The following DCLK2 variants were observed in gnomAD, a reference collection of about 807,000 sequenced individuals.
DCLK2 encodes the protein doublecortin like kinase 2.
DCLK2 carries 31 observed loss-of-function variants against 78.4 expected under a neutral mutation model. That is an observed-to-expected ratio of 0.40 (90% CI 0.30 to 0.53). The LOEUF (loss-of-function observed/expected upper bound fraction) is 0.53, where lower values mean the gene tolerates loss of function less well. Ranked by LOEUF, DCLK2 falls within the 20% of genes least tolerant of loss-of-function variation. The pLI is 0.61. For synonymous variants in DCLK2, 407 were observed against 374.9 expected (o/e 1.09, Z -0.99); for missense variants, 872 against 973.7 (o/e 0.90, Z 1.39).
intron 2 of DCLK2, among the ~76,000 whole-genome samples, chr4:150,116,651 G>A (rs1465951653): frequency 6.6e-6 from 1 of 152,204 alleles, no homozygotes; most frequent in African/African-American, 2.4e-5. Flanking sequence ...CGCTGATAGA[G>A]GTGGCAGGGG....
At chr4:150,145,808 G>A (rs1314199819) in intron 2 of DCLK2, among the ~76,000 whole-genome samples, 5 of 152,038 alleles carry the variant, frequency 3.3e-5, no homozygotes, top group African/African-American at 1.2e-4. Context: ...TGATCTTTTT[G>A]GCTGCAAAGC....
At chr4:150,239,496 G>A (rs536488783) in intron 10 of DCLK2, among the ~76,000 whole-genome samples, 1 of 152,166 alleles carries the variant, frequency 6.6e-6, no homozygotes, top group South Asian at 2.1e-4. Context: ...TACTTGTTGG[G>A]GGTTCCGTGG....
chr4:150,238,141 A>T (rs1376362319), intron 10 of DCLK2, among the ~76,000 whole-genome samples: 1 of 152,222 alleles, frequency 6.6e-6, no homozygotes, highest in African/African-American at 2.4e-5. Context: ...CTATAAAGAA[A>T]ATTAAATTAA....
intron 2 of DCLK2, among the ~76,000 whole-genome samples, chr4:150,154,582 T>C (rs1208519081): frequency 6.6e-6 from 1 of 152,208 alleles, no homozygotes; most frequent in African/African-American, 2.4e-5. Context: ...GTTTTGATTT[T>C]TTTTAGAAGC....
chr4:150,243,532 C>T (rs1433102716), intron 12 of DCLK2, among the ~76,000 whole-genome samples: 3 of 152,136 alleles, frequency 2.0e-5, no homozygotes, highest in East Asian at 1.9e-4. Flanking sequence ...TACATTTGTA[C>T]TTAAAAGTCC....
At chr4:150,136,262 G>A (rs989516723) in intron 2 of DCLK2, among the ~76,000 whole-genome samples, 9 of 152,222 alleles carry the variant, frequency 5.9e-5, no homozygotes, top group Admixed American at 6.5e-5. Flanking sequence ...AAAGGATTTA[G>A]AAGTACGGTC....
intron 2 of DCLK2, among the ~76,000 whole-genome samples, chr4:150,119,191 A>G (rs1732343120): frequency 6.6e-6 from 1 of 152,080 alleles, no homozygotes. Flanking sequence ...TATCATCTTC[A>G]TATCGCATAC....
rs1359039359 is a variant in DCLK2 at position 150,103,726 on chromosome 4, AAATTAGTCTCC to A, written c.756+919_756+929del. Among the ~76,000 whole-genome samples, 6 of 152,334 alleles carry A rather than the reference AAATTAGTCTCC, an allele frequency of 3.9e-5. No individual in the cohort carries two copies. The Middle Eastern group carries it at 0.01, about 259-fold the overall frequency. ...CAGTGTCTTTGGGAAAAACACAATC[AAATTAGTCTCC>A]AATTTTCTAAGACCAGATCTAGTTA... is the stretch of plus-strand genomic sequence containing the variant. On this transcript the variant is annotated intron_variant, in intron 2 of 15. Coordinates refer to ENST00000296550, the MANE Select transcript of DCLK2 (RefSeq NM_001040260.4).
At chr4:150,102,237 G>T (rs532290678) in intron 1 of DCLK2, among the ~76,000 whole-genome samples, 40 of 152,218 alleles carry the variant, frequency 2.6e-4, no homozygotes, top group African/African-American at 9.4e-4. Context: ...TGGCACATTT[G>T]GTCAACATAT....
At chr4:150,157,330 G>C (rs565305839) in intron 2 of DCLK2, among the ~76,000 whole-genome samples, 52 of 152,060 alleles carry the variant, frequency 3.4e-4, no homozygotes, top group Non-Finnish European at 5.1e-4. Context: ...ACCCAGGCCA[G>C]AGTGCAGTGG....
At chr4:150,237,365 T>C (rs1459749) in intron 10 of DCLK2, among the ~76,000 whole-genome samples, 132,752 of 152,192 alleles carry the variant, frequency 0.87, 58,369 homozygotes, top group Middle Eastern at 0.96. Flanking sequence ...TCTTTGAAAA[T>C]GTTTCTGCTG....
intron 8 of DCLK2, among the ~76,000 whole-genome samples, chr4:150,226,028 G>A (rs1223497553): frequency 1.3e-5 from 2 of 152,162 alleles, no homozygotes; most frequent in East Asian, 1.9e-4. Context: ...TGCCAGAGGA[G>A]TTTAGAATTT....
chr4:150,212,303 G>A (rs979559884), intron 5 of DCLK2, among the ~76,000 whole-genome samples: 2 of 152,180 alleles, frequency 1.3e-5, no homozygotes, highest in Non-Finnish European at 2.9e-5. Context: ...GTGATGAAAG[G>A]GCTGGTAGTA....
intron 2 of DCLK2, among the ~76,000 whole-genome samples, chr4:150,124,716 A>T (rs1732802313): frequency 6.6e-6 from 1 of 152,244 alleles, no homozygotes; most frequent in South Asian, 2.1e-4. Flanking sequence ...CCAAATTTTA[A>T]CATCTTAGAT....
At chr4:150,091,764 C>T (rs1194502137) in intron 1 of DCLK2, among the ~76,000 whole-genome samples, 2 of 116,666 alleles carry the variant, frequency 1.7e-5, no homozygotes, top group Non-Finnish European at 3.6e-5. Flanking sequence ...CTAAAAGGAA[C>T]ATTTATGTGT....
chr4:150,121,420 A>G (rs11099755), intron 2 of DCLK2, among the ~76,000 whole-genome samples: 58,257 of 152,074 alleles, frequency 0.38, 11,336 homozygotes, highest in East Asian at 0.44. Flanking sequence ...TTGCTCATCC[A>G]TTAGAAGCAA....
intron 5 of DCLK2, among the ~76,000 whole-genome samples, chr4:150,206,373 G>A (rs1046850190): frequency 5.3e-5 from 8 of 151,796 alleles, no homozygotes; most frequent in Non-Finnish European, 1.2e-4. Context: ...TATTCACACC[G>A]AGAGGAATAA....
At chr4:150,107,585 A>G (rs1403176646) in intron 2 of DCLK2, among the ~76,000 whole-genome samples, 2 of 151,962 alleles carry the variant, frequency 1.3e-5, no homozygotes, top group Non-Finnish European at 2.9e-5. Context: ...TGTGTTTCCC[A>G]GGCTGGTCTT....
chr4:150,233,945 C>T lies in DCLK2; in HGVS notation c.1566+1117C>T, dbSNP rs190155474. 2.0e-5 allele frequency among the ~76,000 whole-genome samples: 3 copies of T among 152,296 alleles called. No homozygotes were observed. The East Asian group carries it at 5.8e-4, about 29-fold the overall frequency. ...GACATTTACACTCCTCCCAGCCCCCCACAAACACACATGACATAGTTGGCT... is the reference window on the plus strand; with the variant it reads ...GACATTTACACTCCTCCCAGCCCCCTACAAACACACATGACATAGTTGGCT... On this transcript the variant is annotated intron_variant, in intron 10 of 15. Coordinates refer to ENST00000296550, the MANE Select transcript of DCLK2 (RefSeq NM_001040260.4).
Sources: allele counts gnomAD v4.1 joint callset (sites outside exome capture counted in the v4.1 genomes callset), GRCh38; gene constraint gnomAD v4.1.1; transcripts MANE v1.5; gene names NCBI Gene and HGNC (gene_info 2026-07-23, HGNC 2026-07-21).